Variants in ENTHD1 observed in about 807,000 individuals in gnomAD.
The protein encoded by ENTHD1 is ENTH domain containing 1.
ENTHD1 carries 23 observed loss-of-function variants against 39.1 expected under a neutral mutation model. The ratio of observed to expected loss-of-function variants is 0.59; its 90% CI spans 0.42 to 0.83. The LOEUF is 0.83. Ranked by LOEUF, ENTHD1 falls within the 40% of genes least tolerant of loss-of-function variation. The pLI is 0.00. For missense variants in ENTHD1, 624 were observed against 705.4 expected, an observed-to-expected ratio of 0.88 and a Z score of 1.31; for synonymous variants, 230 against 258.2, an observed-to-expected ratio of 0.89 and a Z score of 1.05.
At chr22:39,763,858 T>TA (rs1246455581) in intron 6 of ENTHD1, among the ~76,000 whole-genome samples, 2 of 152,034 alleles carry the variant, frequency 1.3e-5, no homozygotes, top group East Asian at 3.9e-4. Context: ...ATTCATGAAA[T>TA]AAAAAAACCA....
chr22:39,754,975 A>G (rs1332003849), intron 6 of ENTHD1, among the ~76,000 whole-genome samples: 1 of 152,150 alleles, frequency 6.6e-6, no homozygotes, highest in African/African-American at 2.4e-5. Flanking sequence ...GTTTTCTTCT[A>G]CCGCTTCTTC....
At chr22:39,747,299 T>A (rs966592499) in intron 6 of ENTHD1, among the ~76,000 whole-genome samples, 2 of 152,302 alleles carry the variant, frequency 1.3e-5, no homozygotes, top group Admixed American at 6.5e-5. Context: ...ATAGTTGTTT[T>A]TAAATTCTCT....
intron 3 of ENTHD1, among the ~76,000 whole-genome samples, chr22:39,846,156 T>G (rs1190832937): frequency 3.3e-5 from 5 of 152,122 alleles, no homozygotes; most frequent in Non-Finnish European, 7.4e-5. Flanking sequence ...GATAAAAGAT[T>G]TAAAATGCCA....
intron 3 of ENTHD1, among the ~76,000 whole-genome samples, chr22:39,843,353 C>T (rs1344256810): frequency 4.0e-4 from 60 of 150,688 alleles, no homozygotes; most frequent in African/African-American, 1.3e-3. Context: ...AGTAAACTAT[C>T]GCAAGAACAA....
intron 5 of ENTHD1, among the ~76,000 whole-genome samples, chr22:39,809,615 A>AATT (rs2065670213): frequency 6.6e-6 from 1 of 152,204 alleles, no homozygotes; most frequent in East Asian, 1.9e-4. Flanking sequence ...CAATTTGCTC[A>AATT]GCCACCTTTT....
At chr22:39,760,509 C>A (rs543529668) in intron 6 of ENTHD1, among the ~76,000 whole-genome samples, 9 of 151,996 alleles carry the variant, frequency 5.9e-5, no homozygotes, top group Admixed American at 5.9e-4. Flanking sequence ...CAATTTATGT[C>A]TTTGTATTTA....
chr22:39,821,797 C>A (rs1190925616), intron 4 of ENTHD1, among the ~76,000 whole-genome samples: 1 of 152,158 alleles, frequency 6.6e-6, no homozygotes, highest in Non-Finnish European at 1.5e-5. Context: ...TCTGGCAAGG[C>A]CCCACCTCCT....
At chr22:39,802,155 G>A (rs1013268242) in intron 5 of ENTHD1, among the ~76,000 whole-genome samples, 3 of 152,158 alleles carry the variant, frequency 2.0e-5, no homozygotes, top group African/African-American at 7.2e-5. Flanking sequence ...AAAAAGGTGT[G>A]ATACCCTTCT....
chr22:39,879,924 A>G (rs1167626886), intron 2 of ENTHD1, among the ~76,000 whole-genome samples: 1 of 152,246 alleles, frequency 6.6e-6, no homozygotes, highest in Non-Finnish European at 1.5e-5. Context: ...ATGGGCTACT[A>G]TTAAGTGCTA....
At chr22:39,833,982 A>G (rs970531931) in intron 4 of ENTHD1, among the ~76,000 whole-genome samples, 19 of 150,496 alleles carry the variant, frequency 1.3e-4, no homozygotes, top group African/African-American at 3.9e-4. Context: ...CCCTTTATCT[A>G]TACACTTCAC....
At chr22:39,882,690 G>A (rs1286551057) in intron 2 of ENTHD1, among the ~76,000 whole-genome samples, 2 of 152,038 alleles carry the variant, frequency 1.3e-5, no homozygotes, top group Non-Finnish European at 2.9e-5. Context: ...TACTCTTCTA[G>A]TATATCACAT....
intron 4 of ENTHD1, among the ~76,000 whole-genome samples, chr22:39,826,159 G>A (rs555778024): frequency 2.0e-5 from 3 of 152,228 alleles, no homozygotes; most frequent in African/African-American, 4.8e-5. Context: ...CTGGGATTAT[G>A]AGCATGCCTG....
intron 2 of ENTHD1, among the ~76,000 whole-genome samples, chr22:39,872,729 C>G (rs2066254073): frequency 6.6e-6 from 1 of 151,972 alleles, no homozygotes; most frequent in African/African-American, 2.4e-5. Context: ...TATACTAATA[C>G]AGAAATCGGT....
chr22:39,812,680 C>T (rs775499873), intron 5 of ENTHD1, among the ~76,000 whole-genome samples: 3 of 152,200 alleles, frequency 2.0e-5, no homozygotes, highest in Non-Finnish European at 4.4e-5. Context: ...GCCACAGATG[C>T]GGAGCATCCA....
rs142481400 is a variant in ENTHD1 at position 39,862,753 on chromosome 22, G to A, written c.350-746C>T. ...AAAAGAAATCACCATATATGTACAC[G>A]GAAGAGAGAAGCAGATAAAGAAATA... On this transcript the variant is annotated intron_variant, in intron 2 of 6. Transcript: ENST00000325157. Among the ~76,000 whole-genome samples, 499 of 152,216 alleles carry A rather than the reference G, an allele frequency of 3.3e-3. 7 individuals carry two copies. The highest frequency in any genetic ancestry group is 2.2e-3 in the Non-Finnish European group (148 of 68,024).
intron 2 of ENTHD1, among the ~76,000 whole-genome samples, chr22:39,883,003 C>CAAAAAAAAAAAA (rs58964198): frequency 2.7e-4 from 13 of 48,254 alleles, no homozygotes; most frequent in African/African-American, 5.2e-4. Context: ...GACTTCATCT[C>CAAAAAAAAAAAA]AAAAAAAAAA....
chr22:39,840,599 CAG>C (rs1056083343), intron 3 of ENTHD1, among the ~76,000 whole-genome samples: 4 of 150,782 alleles, frequency 2.7e-5, no homozygotes, highest in African/African-American at 4.9e-5. Flanking sequence ...TAGTAACAGA[CAG>C]ATATATTGCA....
At chr22:39,776,239 C>T (rs2065364703) in intron 5 of ENTHD1, among the ~76,000 whole-genome samples, 1 of 152,226 alleles carries the variant, frequency 6.6e-6, no homozygotes, top group South Asian at 2.1e-4. Flanking sequence ...AATGTATACT[C>T]TGTAAACACT....
chr22:39,802,794 G>C (rs915698570), intron 5 of ENTHD1, among the ~76,000 whole-genome samples: 1 of 152,208 alleles, frequency 6.6e-6, no homozygotes, highest in African/African-American at 2.4e-5. Flanking sequence ...CCCCAACAGA[G>C]TGCCATCACA....
Sources: allele counts gnomAD v4.1 joint callset (sites outside exome capture counted in the v4.1 genomes callset), GRCh38; gene constraint gnomAD v4.1.1; transcripts MANE v1.5; gene names NCBI Gene and HGNC (gene_info 2026-07-23, HGNC 2026-07-21).